PACRG: variants seen among roughly 807,000 people sequenced by gnomAD.
The protein encoded by PACRG is parkin coregulated gene protein.
In PACRG, 29 loss-of-function variants were observed where a neutral mutation model predicts 29.7. The observed-to-expected ratio is 0.98, with a 90% CI of 0.73 to 1.33. The LOEUF (loss-of-function observed/expected upper bound fraction) is 1.33. Ranked by LOEUF, PACRG falls within the 40% of genes most tolerant of loss-of-function variation. PACRG has a pLI of 0.00. For synonymous variants in PACRG, 116 were observed against 118.7 expected (o/e 0.98, Z 0.15); for missense variants, 279 against 316.2 (o/e 0.88, Z 0.89).
rs1262104627 is a variant in PACRG, at chr6:163,280,440, C to G, written c.614-34387C>G. On this transcript the variant is annotated intron_variant, in intron 4 of 4. Transcript: ENST00000366888. The stretch of plus-strand genomic sequence containing the variant: ...ACCACCCCATAGGCACACACAGAGC[C>G]AGGCAGTGTGGTGAACAAAGGCAAA... Among the ~76,000 whole-genome samples the G allele has an allele frequency of 2.0e-5, 3 of 152,132 alleles. No homozygotes were observed. In the East Asian group the frequency reaches 5.8e-4, roughly 29 times the overall value.
In PACRG at chr6:163,111,003, C is replaced by T. The variant is rs115531583; in HGVS notation, c.613+21595C>T. 5.1e-3 allele frequency among the ~76,000 whole-genome samples: 773 copies of T among 152,370 alleles called. 6 individuals are homozygous for T. Among genetic ancestry groups the T allele is most frequent in the African/African-American group, 0.018 (736 of 41,596 alleles). On this transcript the variant is annotated intron_variant, in intron 4 of 4. Transcript: ENST00000366888. ...TATGCTCTTCCCTCTTCCTGCTGGA[C>T]ATTCTGTGATGCAGATTCTCCTTCC...
chr6:163,057,211 AT>A (rs991994632), intron 2 of PACRG, among the ~76,000 whole-genome samples: 22 of 152,338 alleles, frequency 1.4e-4, no homozygotes, highest in Admixed American at 5.2e-4. Flanking sequence ...ATAATTCAGG[AT>A]TTAGCCCAAA....
At chr6:163,077,342 G>T (rs2761259) in intron 3 of PACRG, among the ~76,000 whole-genome samples, 70,454 of 151,860 alleles carry the variant, frequency 0.46, 18,157 homozygotes, top group East Asian at 0.94. Context: ...ACAAATAGAC[G>T]GGCCATAACA....
intron 4 of PACRG, among the ~76,000 whole-genome samples, chr6:163,117,488 A>G (rs1816061094): frequency 1.3e-5 from 2 of 152,232 alleles, no homozygotes; most frequent in Admixed American, 6.5e-5. Flanking sequence ...CCAGTAGCTC[A>G]TGCCTGTAAT....
intron 2 of PACRG, among the ~76,000 whole-genome samples, chr6:163,034,829 G>T (rs547444876): frequency 1.3e-5 from 2 of 152,172 alleles, no homozygotes; most frequent in Non-Finnish European, 2.9e-5. Flanking sequence ...GCGCAAGAAA[G>T]AATTCAGAGT....
At chr6:163,103,936 C>T (rs1307267120) in intron 4 of PACRG, among the ~76,000 whole-genome samples, 5 of 152,186 alleles carry the variant, frequency 3.3e-5, no homozygotes, top group African/African-American at 7.2e-5. Flanking sequence ...ATAAGCAGGT[C>T]CTCCTTCCAA....
chr6:162,907,404 C>G (rs1395617290), intron 2 of PACRG, among the ~76,000 whole-genome samples: 2 of 151,966 alleles, frequency 1.3e-5, no homozygotes, highest in East Asian at 3.9e-4. Flanking sequence ...TTGGGCATTT[C>G]TAATATTTTT....
At chr6:163,007,222 G>A (rs1216943221) in intron 2 of PACRG, among the ~76,000 whole-genome samples, 1 of 151,856 alleles carries the variant, frequency 6.6e-6, no homozygotes, top group Admixed American at 6.6e-5. Context: ...TAACCTTTGT[G>A]CTGTATTATA....
In PACRG at chr6:162,766,811, G is replaced by A. The variant is rs983692447; in HGVS notation, c.156+38420G>A. Among the ~76,000 whole-genome samples, 13 of 151,846 alleles carry A rather than the reference G, an allele frequency of 8.6e-5. No homozygotes were observed. In the East Asian group the frequency reaches 1.7e-3, roughly 20 times the overall value. ...ATCTATCTGTGATAGAAATTAAGTC[G>A]GGCATCTAACTCAGTAGTTTTTCTT... On this transcript the variant is annotated intron_variant, in intron 1 of 4. Coordinates refer to ENST00000366888, the MANE Select transcript of PACRG (RefSeq NM_001080379.2).
At chr6:163,062,065 G>C in intron 2 of PACRG, 85 bp from the exon 3 acceptor site, 2 of 1,412,962 alleles carry the variant, frequency 1.4e-6, no homozygotes, top group Non-Finnish European at 2.0e-6. Context: ...TGCCCCTCTG[G>C]AGTGGGTGAC....
At chr6:163,231,452 T>C (rs1012709870) in intron 4 of PACRG, among the ~76,000 whole-genome samples, 2 of 152,190 alleles carry the variant, frequency 1.3e-5, no homozygotes, top group Non-Finnish European at 2.9e-5. Flanking sequence ...CGGCGCTGCA[T>C]GCAGGAGAGC....
At chr6:162,736,498 C>A (rs1023335939) in intron 1 of PACRG, among the ~76,000 whole-genome samples, 2 of 152,014 alleles carry the variant, frequency 1.3e-5, no homozygotes, top group African/African-American at 4.8e-5. Context: ...GAGCACAGAG[C>A]TGAACGACCT....
chr6:162,997,162 T>C (rs761658204), intron 2 of PACRG, among the ~76,000 whole-genome samples: 1 of 152,200 alleles, frequency 6.6e-6, no homozygotes, highest in Non-Finnish European at 1.5e-5. Flanking sequence ...TCCATTTTCT[T>C]ACTTTTCTTC....
intron 4 of PACRG, among the ~76,000 whole-genome samples, chr6:163,202,345 AAT>A (rs57848647): frequency 3.3e-5 from 5 of 151,890 alleles, no homozygotes; most frequent in Admixed American, 2.6e-4. Flanking sequence ...CTATGAAATA[AAT>A]ATATATATAT....
At chr6:163,011,822 C>T (rs1805646161) in intron 2 of PACRG, among the ~76,000 whole-genome samples, 1 of 152,084 alleles carries the variant, frequency 6.6e-6, no homozygotes, top group Non-Finnish European at 1.5e-5. Context: ...ACTTTTTAAA[C>T]TTTGTTGCTA....
At chr6:162,985,547 A>C (rs1202879271) in intron 2 of PACRG, among the ~76,000 whole-genome samples, 3 of 151,994 alleles carry the variant, frequency 2.0e-5, no homozygotes, top group African/African-American at 7.2e-5. Context: ...AGTATAGAAC[A>C]GACATATCTT....
At chr6:162,766,646 A>G (rs901465522) in intron 1 of PACRG, among the ~76,000 whole-genome samples, 7 of 152,114 alleles carry the variant, frequency 4.6e-5, no homozygotes, top group Admixed American at 3.9e-4. Context: ...AATCTCCATA[A>G]TGTTTTCAAA....
chr6:163,189,338 G>A (rs1780096808), intron 4 of PACRG: 1 of 152,134 alleles, frequency 6.6e-6, no homozygotes, highest in Non-Finnish European at 1.5e-5. Context: ...TTGTTAACAA[G>A]GTGTTTTAAG....
intron 4 of PACRG, among the ~76,000 whole-genome samples, chr6:163,175,035 C>A (rs1779276807): frequency 2.0e-5 from 3 of 152,222 alleles, no homozygotes; most frequent in Non-Finnish European, 4.4e-5. Context: ...ACTGCGTCAT[C>A]TACTTTGTAT....
Sources: allele counts gnomAD v4.1 joint callset (sites outside exome capture counted in the v4.1 genomes callset), GRCh38; gene constraint gnomAD v4.1.1; transcripts MANE v1.5; gene names NCBI Gene and HGNC (gene_info 2026-07-23, HGNC 2026-07-21).